Variants in RING1 observed in about 807,000 individuals in gnomAD.
RING1 encodes the protein ring finger protein 1.
RING1 carries 8 observed loss-of-function variants against 35.0 expected under a neutral mutation model. That is an observed-to-expected ratio of 0.23 (90% confidence interval 0.13 to 0.41). The LOEUF (loss-of-function observed/expected upper bound fraction) is 0.41. RING1 is among the 10% of genes least tolerant of loss of function. The pLI is 1.00. For missense variants in RING1, 343 were observed against 546.8 expected (o/e 0.63, Z 3.72); for synonymous variants, 214 against 224.3 (o/e 0.95, Z 0.41).
Position 33,210,098 on chromosome 6 carries a change from T to G in RING1, c.423T>G (p.Ile141Met). 6.2e-7 allele frequency: 1 copy of G among 1,614,056 alleles called. No individual in the cohort carries two copies. The highest frequency in any genetic ancestry group is 1.1e-5 in the South Asian group (1 of 91,072). ...ACCAGCAGGCATTGAGCTCCAGCAT[T>G]GAGGAGGGGCTACGCATGCAGGCCA... The part of the protein sequence containing the change: ...LHNQQALSSS[I>M]EEGLRMQAMH... The change falls in exon 4 of 7, where the codon ATT becomes ATG. Residue 141 changes from isoleucine (I) to methionine (M), a missense_variant. By Grantham distance (10) the Ile-to-Met change is conservative. Around this residue, in one of 2 missense-constraint regions of RING1, gnomAD observed 278 missense variants for 383.5 expected, o/e 0.72. Coordinates refer to ENST00000374656, the MANE Select transcript of RING1 (RefSeq NM_002931.4).
At position 33,211,174 on chromosome 6, in the gene RING1, CGG is replaced by C; in HGVS notation, c.473_474del (p.Arg158ProfsTer35). The C allele has an allele frequency of 6.2e-7, 1 of 1,601,164 alleles. No homozygotes were observed. The highest frequency in any genetic ancestry group is 8.5e-7 in the Non-Finnish European group (1 of 1,171,216). On this transcript the variant is annotated frameshift_variant, in exon 5 of 7. Coordinates refer to ENST00000374656, the MANE Select transcript of RING1 (RefSeq NM_002931.4). LOFTEE classifies it high-confidence loss of function. This position sits in a 1 kb window ranked among gnomAD's most constrained non-coding sequence, Gnocchi z 6.3. ...CTTCTACAGGGCCCAGCGTGTGAGG[CGG>C]CCGATACCAGGGTCAGATCAGACCA... ...QAMHRAQRVR[R>X]PIPGSDQTTT...
At position 33,209,665 on chromosome 6, in the gene RING1, C is replaced by T. The variant is rs780990761; in HGVS notation, c.118C>T (p.Arg40Trp). ...TGGCACAGAGATTGCTGTTTCCCCT[C>T]GGTCACTGCATTCAGAACTCATGTG... ...MDGTEIAVSP[R>W]SLHSELMCPI... The change falls in exon 3 of 7, where the codon CGG becomes TGG. Residue 40 changes from arginine to tryptophan, a missense_variant. Transcript: ENST00000374656. This position sits in a 1 kb window ranked among gnomAD's most constrained non-coding sequence, Gnocchi z 5.1. The T allele has an allele frequency of 5.0e-6, 8 of 1,613,074 alleles. No individual in the cohort carries two copies. The highest frequency in any genetic ancestry group is 2.2e-5 in the East Asian group (1 of 44,880).
rs894315902 is a variant in RING1 at position 33,211,929 on chromosome 6, C to G, written c.1046C>G (p.Ala349Gly). 1 of 1,596,420 alleles carries G rather than the reference C, an allele frequency of 6.3e-7. No homozygotes were observed. Among genetic ancestry groups the G allele is most frequent in the African/African-American group, 1.3e-5 (1 of 74,454 alleles). ...AGGGDGPEEP[A>G]LPSLEGVSEK... is the part of the protein sequence containing the mutation. ...GGAGGTGACGGTCCTGAGGAGCCTG[C>G]TTTGCCCAGCCTGGAGGGCGTCAGT... Residue 349 changes from alanine to glycine, a missense_variant, in exon 6 of 7, where the codon GCT (alanine) becomes GGT (glycine). By Grantham distance (60) the Ala-to-Gly change is moderately conservative (BLOSUM62 0). Coordinates refer to ENST00000374656, the MANE Select transcript of RING1 (RefSeq NM_002931.4). The surrounding 1 kb of genome is among the most constrained non-coding windows in gnomAD (Gnocchi z 6.3).
chr6:33,209,578 C>T lies in RING1; in HGVS notation c.79-48C>T. The T allele has an allele frequency of 1.3e-6, 2 of 1,573,668 alleles. No individual in the cohort carries two copies. Among genetic ancestry groups the T allele is most frequent in the South Asian group, 1.1e-5 (1 of 87,892 alleles). On this transcript the variant is annotated intron_variant, in intron 2 of 6. Coordinates refer to ENST00000374656, the MANE Select transcript of RING1 (RefSeq NM_002931.4). The surrounding 1 kb of genome is among the most constrained non-coding windows in gnomAD (Gnocchi z 5.1). Reference sequence around the variant, plus strand: ...TTTTATGGGCTGCTGTTTCTAAAACCCCTTTCCCTCTAACCCACACCACCT... The same window carrying T: ...TTTTATGGGCTGCTGTTTCTAAAACTCCTTTCCCTCTAACCCACACCACCT...
rs1775529122 is a variant in RING1 at position 33,211,437 on chromosome 6, C to T, written c.735C>T (p.Gly245=). The T allele has an allele frequency of 2.5e-6, 4 of 1,576,338 alleles. No individual in the cohort carries two copies. The highest frequency in any genetic ancestry group is 4.7e-5 in the East Asian group (2 of 42,948). ...RGGTLGGGTL[G]PPSPPGAPSP... Reference sequence around the variant, plus strand: ...GGACTCTGGGAGGGGGAACGCTGGGCCCCCCAAGCCCTCCTGGGGCCCCCA... The same window carrying T: ...GGACTCTGGGAGGGGGAACGCTGGGTCCCCCAAGCCCTCCTGGGGCCCCCA... The change falls in exon 5 of 7, where the codon GGC becomes GGT. Residue 245 remains glycine (G), a synonymous_variant. Coordinates refer to ENST00000374656, the MANE Select transcript of RING1 (RefSeq NM_002931.4). The surrounding 1 kb of genome is among the most constrained non-coding windows in gnomAD (Gnocchi z 6.3).
chr6:33,212,486 C>T lies in RING1; in HGVS notation c.*87C>T, dbSNP rs1775620336. The T allele has an allele frequency of 1.1e-5, 9 of 842,612 alleles. No individual in the cohort carries two copies. The highest frequency in any genetic ancestry group is 7.6e-5 in the South Asian group (5 of 66,182). The allele number at this position is 842,612 out of a possible 1,614,324, so 52.2% of individuals were successfully genotyped here. The stretch of plus-strand genomic sequence containing the variant: ...CCCCAGCTTCTTTGTCCCCCAGTAC[C>T]CCCAGCCCAGCCAGCCAATAAGAGG... On this transcript the variant is annotated 3_prime_UTR_variant, in exon 7 of 7. Transcript: ENST00000374656.
chr6:33,210,595 A>G (rs1775453212), intron 4 of RING1, among the ~76,000 whole-genome samples: 1 of 151,794 alleles, frequency 6.6e-6, no homozygotes, highest in African/African-American at 2.4e-5. Flanking sequence ...CTGCTGGGCG[A>G]CAGAACAAGG....
chr6:33,212,164 TGCCTTATCGC>T, intron 6 of RING1, 124 bp from the exon 7 acceptor site: 1 of 871,090 alleles, frequency 1.1e-6, no homozygotes, highest in Non-Finnish European at 1.8e-6. Flanking sequence ...TGTCCTTTTT[TGCCTTATCGC>T]TTTTATTATT....
chr6:33,212,573 C>T lies in RING1; in HGVS notation c.*174C>T, dbSNP rs1379039138. On this transcript the variant is annotated 3_prime_UTR_variant, in exon 7 of 7. Transcript: ENST00000374656. Reference sequence around the variant, plus strand: ...CTATATGAGATTCTTCTATATTGTACAGAGTGGGGCAAAACACGCCCCCAT... The same window carrying T: ...CTATATGAGATTCTTCTATATTGTATAGAGTGGGGCAAAACACGCCCCCAT... 1.9e-6 allele frequency: 1 copy of T among 521,436 alleles called. No individual in the cohort carries two copies. The highest frequency in any genetic ancestry group is 3.4e-6 in the Non-Finnish European group (1 of 294,572). The allele number at this position is 521,436 out of a possible 1,614,324, so 32.3% of individuals were successfully genotyped here. A position where few individuals can be genotyped will look rare whatever the true frequency, so the allele number is the denominator to read the frequency against.
Position 33,211,651 on chromosome 6 carries a change from A to G in RING1, c.846-78A>G. On this transcript the variant is annotated intron_variant, in intron 5 of 6. Coordinates refer to ENST00000374656, the MANE Select transcript of RING1 (RefSeq NM_002931.4). This position sits in a 1 kb window ranked among gnomAD's most constrained non-coding sequence, Gnocchi z 6.3. ...ACCCAAAATACCACCCCAACCCAGAATCCATTTTGGAAAGCCCCTACCTCC... is the reference window on the plus strand; with the variant it reads ...ACCCAAAATACCACCCCAACCCAGAGTCCATTTTGGAAAGCCCCTACCTCC... The G allele has an allele frequency of 3.9e-6, 6 of 1,540,294 alleles. No homozygotes were observed. Among genetic ancestry groups the G allele is most frequent in the Non-Finnish European group, 5.2e-6 (6 of 1,147,114 alleles).
At chr6:33,212,226 A>G (rs1014246609) in intron 6 of RING1, 72 bp from the exon 7 acceptor site, 7 of 1,142,870 alleles carry the variant, frequency 6.1e-6, no homozygotes, top group Admixed American at 2.0e-5. Flanking sequence ...TTTGCCTCTC[A>G]TTCATTTCCT....
Position 33,211,197 on chromosome 6 carries a change from G to A in RING1, c.495G>A (p.Gln165=). 1 of 1,612,690 alleles carries A rather than the reference G, an allele frequency of 6.2e-7. No homozygotes were observed. Among genetic ancestry groups the A allele is most frequent in the Non-Finnish European group, 8.5e-7 (1 of 1,179,852 alleles). Reference sequence around the variant, plus strand: ...GGCGGCCGATACCAGGGTCAGATCAGACCACAACGATGAGTGGGGGGGAAG... The same window carrying A: ...GGCGGCCGATACCAGGGTCAGATCAAACCACAACGATGAGTGGGGGGGAAG... ...RVRRPIPGSD[Q]TTTMSGGEGE... is the part of the protein sequence containing the mutation. Residue 165 remains glutamine (Q), a synonymous_variant, in exon 5 of 7, where the codon CAG becomes CAA. Transcript: ENST00000374656. The surrounding 1 kb of genome is among the most constrained non-coding windows in gnomAD (Gnocchi z 6.3).
chr6:33,210,697 G>A (rs957924056), intron 4 of RING1, among the ~76,000 whole-genome samples: 7 of 151,976 alleles, frequency 4.6e-5, no homozygotes, highest in African/African-American at 1.7e-4. Flanking sequence ...AATAAGCCCC[G>A]GATTCATACT....
At chr6:33,212,041 G>A in intron 6 of RING1, 39 bp downstream of exon 6, 1 of 1,457,930 alleles carries the variant, frequency 6.9e-7, no homozygotes, top group Non-Finnish European at 9.2e-7. Flanking sequence ...GAGGGGAGAG[G>A]AGGGAGGGTG....
At chr6:33,210,486 A>G (rs553974955) in intron 4 of RING1, among the ~76,000 whole-genome samples, 2 of 152,094 alleles carry the variant, frequency 1.3e-5, no homozygotes, top group East Asian at 1.9e-4. Context: ...CTGTAGTCCT[A>G]CCTTCTTGGG....
intron 4 of RING1, 87 bp downstream of exon 4, chr6:33,210,217 C>G (rs1775425998): frequency 1.6e-6 from 2 of 1,229,470 alleles, no homozygotes; most frequent in Admixed American, 3.9e-5. Flanking sequence ...CCTCAGCATC[C>G]TAGGAGCTGA....
At position 33,212,191 on chromosome 6, in the gene RING1, T is replaced by C. The variant is rs564464013; in HGVS notation, c.1120-107T>C. The stretch of plus-strand genomic sequence containing the variant: ...CCTTATCGCTTTTATTATTCCTTTT[T>C]TCTTTCCTCCTCCCTTGGTCACCTT... On this transcript the variant is annotated intron_variant, in intron 6 of 6. Transcript: ENST00000374656. 7.5e-6 allele frequency: 7 copies of C among 930,536 alleles called. No individual in the cohort carries two copies. The South Asian group carries it at 9.1e-5, about 12-fold the overall frequency. The allele number at this position is 930,536 out of a possible 1,614,324, so 57.6% of individuals were successfully genotyped here.
At position 33,209,517 on chromosome 6, in the gene RING1, A is replaced by G. The variant is rs1441662859; in HGVS notation, c.79-109A>G. 1.8e-6 allele frequency: 2 copies of G among 1,082,612 alleles called. No homozygotes were observed. Among genetic ancestry groups the G allele is most frequent in the African/African-American group, 3.1e-5 (2 of 63,708 alleles). 67.1% of individuals were successfully genotyped at this position (1,082,612 alleles called of 1,614,324 possible). On this transcript the variant is annotated intron_variant, in intron 2 of 6. Coordinates refer to ENST00000374656, the MANE Select transcript of RING1 (RefSeq NM_002931.4). The surrounding 1 kb of genome is among the most constrained non-coding windows in gnomAD (Gnocchi z 5.1). ...GAATTCTTGTCTCCTATAGAGACCA[A>G]CATGGGTCTTCTCACTGTATTTCTC...
At chr6:33,212,122 T>G in intron 6 of RING1, 120 bp downstream of exon 6, 2 of 895,074 alleles carry the variant, frequency 2.2e-6, no homozygotes, top group Non-Finnish European at 3.4e-6. Context: ...CCTCTATCTC[T>G]TTCTATGTCC....
Sources: allele counts gnomAD v4.1 joint callset (sites outside exome capture counted in the v4.1 genomes callset), GRCh38; gene constraint gnomAD v4.1.1; regional missense constraint gnomAD v4.1.1; non-coding constraint Gnocchi (gnomAD v3.1); transcripts MANE v1.5; gene names NCBI Gene and HGNC (gene_info 2026-07-23, HGNC 2026-07-21).